GOSR2: variants seen among roughly 807,000 people sequenced by gnomAD.
The protein encoded by GOSR2 is 27 kDa Golgi SNARE protein.
GOSR2 carries 20 observed loss-of-function variants against 27.9 expected under a neutral mutation model. The observed-to-expected ratio is 0.72, with a 90% CI of 0.50 to 1.04. The LOEUF is 1.04. Among genes scored for constraint, GOSR2 ranks in the 50% least tolerant of loss-of-function variants. The pLI is 0.00. For synonymous variants in GOSR2, 91 were observed against 98.8 expected, an observed-to-expected ratio of 0.92 and a Z score of 0.47; for missense variants, 261 against 270.5, an observed-to-expected ratio of 0.97 and a Z score of 0.25.
chr17:46,943,337 G>A (rs142938520), downstream of GOSR2, among the ~76,000 whole-genome samples: 17 of 152,186 alleles, frequency 1.1e-4, no homozygotes, highest in Middle Eastern at 3.4e-3. Context: ...CCAGCTCTTC[G>A]CTGCCCCTGC....
At chr17:46,932,002 C>G (rs2087464344) in intron 3 of GOSR2, 65 bp from the exon 4 acceptor site, 2 of 1,471,534 alleles carry the variant, frequency 1.4e-6, no homozygotes, top group Admixed American at 3.3e-5. Context: ...AGTACAAAGC[C>G]TGGCCCCCTC....
In GOSR2 at chr17:46,931,383, A is replaced by G. The variant is rs899444585; in HGVS notation, c.203+176A>G. On this transcript the variant is annotated intron_variant, in intron 3 of 5. Coordinates refer to ENST00000640051, the MANE Select transcript of GOSR2 (RefSeq NM_004287.5). ...TTCTATCTGAGTGATGCCGCTCAAA[A>G]TAAATAGCCTGTGAGGTTTGTGACT... The G allele has an allele frequency of 6.4e-6, 4 of 627,652 alleles. No homozygotes were observed. In the Admixed American group the frequency reaches 1.2e-4, roughly 18 times the overall value. The allele number at this position is 627,652 out of a possible 1,614,324, so 38.9% of individuals were successfully genotyped here.
intron 5 of GOSR2, 52 bp from the exon 6 acceptor site, chr17:46,938,547 C>T: frequency 6.2e-7 from 1 of 1,611,784 alleles, no homozygotes; most frequent in South Asian, 1.1e-5. Context: ...TTCACCCACT[C>T]TTGGTAAAGC....
chr17:46,923,346 G>T (rs2085983223), intron 1 of GOSR2, 125 bp downstream of exon 1: 4 of 1,522,792 alleles, frequency 2.6e-6, no homozygotes, highest in African/African-American at 2.8e-5. Flanking sequence ...GGGCACTGCT[G>T]GGGATGCCTC....
chr17:46,937,736 A>G (rs76198864), intron 5 of GOSR2: 16,021 of 152,250 alleles, frequency 0.11, 928 homozygotes, highest in African/African-American at 0.13. Flanking sequence ...AGGTTCATTC[A>G]TATTGTTACC....
intron 6 of GOSR2, among the ~76,000 whole-genome samples, chr17:46,959,634 C>G (rs2090940722): frequency 6.6e-6 from 1 of 152,194 alleles, no homozygotes. Flanking sequence ...ACTTTTCATA[C>G]CAACTCCCAT....
At chr17:46,950,932 G>T (rs1481065531) in intron 6 of GOSR2, among the ~76,000 whole-genome samples, 3 of 152,152 alleles carry the variant, frequency 2.0e-5, no homozygotes. Flanking sequence ...GTCAGAGGGG[G>T]AAGTCACCGA....
At position 46,938,834 on chromosome 17, in the gene GOSR2, G is replaced by C. The variant is rs910401705; in HGVS notation, c.*74G>C. The C allele has an allele frequency of 6.2e-7, 1 of 1,606,068 alleles. No homozygotes were observed. The highest frequency in any genetic ancestry group is 8.5e-7 in the Non-Finnish European group (1 of 1,177,928). ...GTGTGTGTGTGAAAGAGAGAGGGGGGCCCAGAGGCCGCCTTTTGAAATGTT... is the reference window on the plus strand; with the variant it reads ...GTGTGTGTGTGAAAGAGAGAGGGGGCCCCAGAGGCCGCCTTTTGAAATGTT... On this transcript the variant is annotated 3_prime_UTR_variant, in exon 6 of 6. Transcript: ENST00000640051.
chr17:46,970,535 CAAAAAAAAAAA>C (rs58781204), downstream of GOSR2, among the ~76,000 whole-genome samples: 6 of 51,208 alleles, frequency 1.2e-4, no homozygotes, highest in Non-Finnish European at 1.5e-4. Context: ...GACTCCATCT[CAAAAAAAAAAA>C]AAAAAAAAAA....
chr17:46,938,740 G>A lies in GOSR2; in HGVS notation c.619G>A (p.Val207Met), dbSNP rs780839289. 17 of 1,613,824 alleles carry A rather than the reference G, an allele frequency of 1.1e-5. No individual in the cohort carries two copies. In the East Asian group the frequency reaches 1.3e-4, roughly 13 times the overall value. Reference sequence around the variant, plus strand: ...GCTGACCTGTGTGGTCATGTTCCTCGTGGTGCAGTACCTGACATGAGCCAG... The same window carrying A: ...GCTGACCTGTGTGGTCATGTTCCTCATGGTGCAGTACCTGACATGAGCCAG... ...MLLTCVVMFL[V>M]VQYLT The change falls in exon 6 of 6, where the codon GTG (valine) becomes ATG (methionine). Residue 207 changes from valine (V) to methionine (M), a missense_variant. Val to Met is a conservative substitution (Grantham distance 21, BLOSUM62 1). Coordinates refer to ENST00000640051, the MANE Select transcript of GOSR2 (RefSeq NM_004287.5).
Position 46,935,067 on chromosome 17 carries a change from G to A in GOSR2, c.375G>A (p.Gln125=), listed in dbSNP as rs768238866. The A allele has an allele frequency of 2.5e-6, 4 of 1,612,106 alleles. No individual in the cohort carries two copies. The South Asian group carries it at 4.4e-5, about 18-fold the overall frequency. The change falls in exon 5 of 6, where the codon CAG becomes CAA. Residue 125 remains glutamine (Q), a synonymous_variant. Transcript: ENST00000640051. ...DTTIPMDESL[Q]FNSSLQKVHN... ...CCATACCAATGGACGAATCACTGCAGTTTAACTCCTCCCTCCAGAAAGTTC... is the reference window on the plus strand; with the variant it reads ...CCATACCAATGGACGAATCACTGCAATTTAACTCCTCCCTCCAGAAAGTTC...
At position 46,941,690 on chromosome 17, in the gene GOSR2, C is replaced by A; in HGVS notation, c.*2930C>A. ...CTGGGTTCAGGTGATCCTCATACCT[C>A]AGCCTCCTGAGTAGCTGGAACTACA... On this transcript the variant is annotated 3_prime_UTR_variant, in exon 6 of 6. Transcript: ENST00000640051. 1 of 159,942 alleles carries A rather than the reference C, an allele frequency of 6.3e-6. No homozygotes were observed. The highest frequency in any genetic ancestry group is 1.3e-5 in the Non-Finnish European group (1 of 75,076). The allele number at this position is 159,942 out of a possible 1,614,324, so 9.9% of individuals were successfully genotyped here. A position where few individuals can be genotyped will look rare whatever the true frequency, so the allele number is the denominator to read the frequency against.
At chr17:46,971,330 CCTT>C (rs1205116719), downstream of GOSR2, among the ~76,000 whole-genome samples, 1 of 152,008 alleles carries the variant, frequency 6.6e-6, no homozygotes, top group East Asian at 1.9e-4. Context: ...GAGCGAGACT[CCTT>C]CTCAAAATTA....
At chr17:46,925,174 A>G (rs78702317) in intron 1 of GOSR2, among the ~76,000 whole-genome samples, 4,956 of 152,330 alleles carry the variant, frequency 0.033, 134 homozygotes, top group Middle Eastern at 0.11. Flanking sequence ...TCTGTGGGCT[A>G]TACGGTCTCT....
At position 46,939,976 on chromosome 17, in the gene GOSR2, T is replaced by C. The variant is rs1256836446; in HGVS notation, c.*1216T>C. The C allele has an allele frequency of 8.9e-6, 9 of 1,009,456 alleles. No homozygotes were observed. In the African/African-American group the frequency reaches 1.6e-4, roughly 17 times the overall value. 62.5% of individuals were successfully genotyped at this position (1,009,456 alleles called of 1,614,324 possible). ...AGCAGCTTCATGGCAAGACATAAAA[T>C]GACACTCAAAATCCTTCAGATCTGG... On this transcript the variant is annotated 3_prime_UTR_variant, in exon 6 of 6. Coordinates refer to ENST00000640051, the MANE Select transcript of GOSR2 (RefSeq NM_004287.5).
At position 46,939,452 on chromosome 17, in the gene GOSR2, C is replaced by T. The variant is rs1213918673; in HGVS notation, c.*692C>T. The T allele has an allele frequency of 3.0e-6, 3 of 987,372 alleles. No individual in the cohort carries two copies. The highest frequency in any genetic ancestry group is 2.2e-4 in the East Asian group (2 of 8,890). The allele number at this position is 987,372 out of a possible 1,614,324, so 61.2% of individuals were successfully genotyped here. A position where few individuals can be genotyped will look rare whatever the true frequency, so the allele number is the denominator to read the frequency against. ...ATTTCCCGGGAGTGTTCAGTCTTGA[C>T]CCTAGTCACTGATTTTTTCTAGTTG... On this transcript the variant is annotated 3_prime_UTR_variant, in exon 6 of 6. Coordinates refer to ENST00000640051, the MANE Select transcript of GOSR2 (RefSeq NM_004287.5).
intron 6 of GOSR2, among the ~76,000 whole-genome samples, chr17:46,957,009 T>A (rs1318066155): frequency 6.6e-6 from 1 of 152,112 alleles, no homozygotes; most frequent in Non-Finnish European, 1.5e-5. Flanking sequence ...CGCTGACAGG[T>A]GAATCAAGAC....
At chr17:46,956,660 C>T (rs993924840) in intron 6 of GOSR2, among the ~76,000 whole-genome samples, 3 of 152,120 alleles carry the variant, frequency 2.0e-5, no homozygotes, top group East Asian at 1.9e-4. Context: ...TGAATCCCTT[C>T]GTTAGGAAGC....
chr17:46,948,153 T>A (rs2090061925), intron 6 of GOSR2, among the ~76,000 whole-genome samples: 1 of 152,206 alleles, frequency 6.6e-6, no homozygotes, highest in African/African-American at 2.4e-5. Context: ...CTCTGCCCTT[T>A]AGCTGTGGAA....
Sources: allele counts gnomAD v4.1 joint callset (sites outside exome capture counted in the v4.1 genomes callset), GRCh38; gene constraint gnomAD v4.1.1; transcripts MANE v1.5; gene names NCBI Gene and HGNC (gene_info 2026-07-23, HGNC 2026-07-21).